TMEM255B: variants seen among roughly 807,000 people sequenced by gnomAD.
TMEM255B encodes the protein family with sequence similarity 70, member B.
A neutral mutation model predicts 34.5 loss-of-function variants in TMEM255B; 35 were observed. The ratio of observed to expected loss-of-function variants is 1.01; its 90% CI spans 0.77 to 1.34. The LOEUF (loss-of-function observed/expected upper bound fraction) is 1.34, where lower values mean the gene tolerates loss of function less well. TMEM255B is among the 40% of genes most tolerant of loss of function. The pLI is 0.00. For missense variants in TMEM255B, 432 were observed against 433.2 expected (o/e 1.00, Z 0.02); for synonymous variants, 206 against 201.2 (o/e 1.02, Z -0.20).
chr13:113,767,809 GA>G (rs2050413734), intron 2 of TMEM255B, among the ~76,000 whole-genome samples: 1 of 152,214 alleles, frequency 6.6e-6, no homozygotes, highest in Non-Finnish European at 1.5e-5. Flanking sequence ...ACATTTTCAA[GA>G]AAGGTGTGGT....
At chr13:113,795,281 A>G (rs751519498) in intron 4 of TMEM255B, 44 bp downstream of exon 4, 4 of 1,581,252 alleles carry the variant, frequency 2.5e-6, no homozygotes, top group Admixed American at 1.7e-5. Flanking sequence ...TCCGGGGCTG[A>G]AAGAGTCGAC....
rs531832588 is a variant in TMEM255B at position 113,803,570 on chromosome 13, C to T, written c.670-1315C>T. On this transcript the variant is annotated intron_variant, in intron 7 of 8. Transcript: ENST00000375353. ...TTCTCTGCTTTCTGTGCACTCGCCC[C>T]GGCCCCATCCTCAGGCCACCGCCAG... Among the ~76,000 whole-genome samples, 20 of 123,472 alleles carry T rather than the reference C, an allele frequency of 1.6e-4. 2 individuals carry two copies. Among genetic ancestry groups the T allele is most frequent in the South Asian group, 1.1e-3 (5 of 4,494 alleles). The allele number at this position is 123,472 out of a possible 152,430, so 81.0% of individuals were successfully genotyped here.
intron 2 of TMEM255B, among the ~76,000 whole-genome samples, chr13:113,767,098 A>G (rs1369048155): frequency 1.3e-5 from 2 of 152,250 alleles, no homozygotes; most frequent in African/African-American, 2.4e-5. Flanking sequence ...GGCTTCTTCA[A>G]TCTCATTACT....
At chr13:113,792,860 G>A (rs1344134036) in intron 3 of TMEM255B, among the ~76,000 whole-genome samples, 3 of 152,234 alleles carry the variant, frequency 2.0e-5, no homozygotes, top group Admixed American at 6.5e-5. Flanking sequence ...TTAGGCAATC[G>A]ATGATAAAAT....
chr13:113,800,057 A>C, intron 5 of TMEM255B: 1 of 1,189,404 alleles, frequency 8.4e-7, no homozygotes, highest in Non-Finnish European at 1.1e-6. Context: ...AGCTGCCGGG[A>C]GGCATCGTGT....
At chr13:113,775,399 C>T (rs996932079) in intron 3 of TMEM255B, among the ~76,000 whole-genome samples, 7 of 152,244 alleles carry the variant, frequency 4.6e-5, no homozygotes, top group South Asian at 4.1e-4. Flanking sequence ...CGTCGGGCCC[C>T]GCACCTTCTC....
chr13:113,777,272 CTCTCTG>C (rs2050594765), intron 3 of TMEM255B, among the ~76,000 whole-genome samples: 1 of 152,008 alleles, frequency 6.6e-6, no homozygotes, highest in Admixed American at 6.6e-5. Context: ...TCTCCTCTAT[CTCTCTG>C]TCTCTGTCTC....
chr13:113,780,887 G>A (rs950483607), intron 3 of TMEM255B, among the ~76,000 whole-genome samples: 5 of 152,134 alleles, frequency 3.3e-5, no homozygotes, highest in African/African-American at 1.2e-4. Context: ...ACATAACAAT[G>A]ATAATTATTA....
intron 3 of TMEM255B, among the ~76,000 whole-genome samples, chr13:113,779,424 C>T (rs1341436909): frequency 6.6e-6 from 1 of 152,114 alleles, no homozygotes; most frequent in African/African-American, 2.4e-5. Context: ...TCTGCTGATA[C>T]ATCTAGGAGT....
At chr13:113,810,401 A>G (rs2051276226) in intron 8 of TMEM255B, among the ~76,000 whole-genome samples, 1 of 152,250 alleles carries the variant, frequency 6.6e-6, no homozygotes, top group African/African-American at 2.4e-5. Context: ...ACTAGAATGT[A>G]TCAATTTAAA....
chr13:113,779,487 G>A (rs2138540339), intron 3 of TMEM255B, among the ~76,000 whole-genome samples: 1 of 152,132 alleles, frequency 6.6e-6, no homozygotes, highest in South Asian at 2.1e-4. Flanking sequence ...GGCGTAGAGG[G>A]AGCGTCTGCT....
intron 3 of TMEM255B, among the ~76,000 whole-genome samples, chr13:113,784,497 G>A (rs887850876): frequency 6.6e-6 from 1 of 152,030 alleles, no homozygotes; most frequent in Non-Finnish European, 1.5e-5. Flanking sequence ...CTGGAGCCAC[G>A]TGAGGAAGAC....
At chr13:113,777,641 C>T (rs2050601134) in intron 3 of TMEM255B, among the ~76,000 whole-genome samples, 1 of 152,244 alleles carries the variant, frequency 6.6e-6, no homozygotes, top group African/African-American at 2.4e-5. Flanking sequence ...CCGGGTCCAC[C>T]AGGCTTTGCT....
chr13:113,768,385 G>C, intron 2 of TMEM255B: 1 of 394,184 alleles, frequency 2.5e-6, no homozygotes, highest in Middle Eastern at 4.8e-4. Flanking sequence ...GGTGGCCTCT[G>C]TTCTAAGACA....
At chr13:113,798,103 G>C (rs1322265043) in intron 4 of TMEM255B, among the ~76,000 whole-genome samples, 1 of 152,144 alleles carries the variant, frequency 6.6e-6, no homozygotes, top group South Asian at 2.1e-4. Context: ...ATGGATAATG[G>C]GTGGATGACA....
intron 5 of TMEM255B, chr13:113,799,737 A>G (rs2051007477): frequency 1.4e-6 from 1 of 704,596 alleles, no homozygotes; most frequent in Non-Finnish European, 2.7e-6. Context: ...AAGCAAGGAT[A>G]ATACATTTAC....
intron 8 of TMEM255B, among the ~76,000 whole-genome samples, chr13:113,811,204 CCTGGATCTGTGGGGGGGGCCG>C (rs2051294094): frequency 1.2e-5 from 1 of 84,910 alleles, no homozygotes; most frequent in Non-Finnish European, 2.2e-5. Flanking sequence ...TGAGAGAGGT[CCTGGATCTGTGGGGGGGGCCG>C]GTGAGAGAGG....
intron 8 of TMEM255B, among the ~76,000 whole-genome samples, chr13:113,805,881 C>G (rs2051161997): frequency 6.6e-6 from 1 of 152,240 alleles, no homozygotes; most frequent in South Asian, 2.1e-4. Context: ...GCCCGGCTGA[C>G]TGGCAGGTCC....
rs2050467665 is a variant in TMEM255B, at chr13:113,770,909, G to A, written c.252+1749G>A. On this transcript the variant is annotated intron_variant, in intron 3 of 8. Transcript: ENST00000375353. The surrounding 1 kb of genome is among the most constrained non-coding windows in gnomAD (Gnocchi z 4.6). ...TTTTCCATAAGATTTCCCCAAAGAG[G>A]CAGAAGCTGGGTGTGAAGCTGGGCT... Among the ~76,000 whole-genome samples, 1 of 152,194 alleles carries A rather than the reference G, an allele frequency of 6.6e-6. No homozygotes were observed. Among genetic ancestry groups the A allele is most frequent in the African/African-American group, 2.4e-5 (1 of 41,458 alleles).
Sources: gnomAD v4.1 joint callset for allele counts (sites outside exome capture counted in the v4.1 genomes callset) on GRCh38, gnomAD v4.1.1 for gene constraint, Gnocchi (gnomAD v3.1) non-coding constraint, MANE v1.5 for transcripts, NCBI Gene and HGNC (gene_info 2026-07-23, HGNC 2026-07-21) for gene names.